Variants in BCAS3 observed in about 807,000 individuals in gnomAD.
The protein encoded by BCAS3 is BCAS4/BCAS3 fusion.
A neutral mutation model predicts 116.1 loss-of-function variants in BCAS3; 53 were observed. That is an observed-to-expected ratio of 0.46 (90% CI 0.37 to 0.57). The LOEUF is 0.57. BCAS3 is among the 20% of genes least tolerant of loss of function. The pLI, the probability that BCAS3 is intolerant of heterozygous loss-of-function variation, is 0.00. For synonymous variants in BCAS3, 391 were observed against 408.2 expected, an observed-to-expected ratio of 0.96 and a Z score of 0.51; for missense variants, 917 against 1,165.4, an observed-to-expected ratio of 0.79 and a Z score of 3.10.
chr17:60,902,488 A>G lies in BCAS3; in HGVS notation c.739-132A>G, dbSNP rs1313045923. On this transcript the variant is annotated intron_variant, in intron 10 of 23. Coordinates refer to ENST00000407086, the MANE Select transcript of BCAS3 (RefSeq NM_017679.5). Reference sequence around the variant, plus strand: ...GGCAAAGCTTTTAGCTGTTTGTCTGAAATACACTCATGCAAACATTCCCAC... The same window carrying G: ...GGCAAAGCTTTTAGCTGTTTGTCTGGAATACACTCATGCAAACATTCCCAC... 4 of 727,190 alleles carry G rather than the reference A, an allele frequency of 5.5e-6. No individual in the cohort carries two copies. In the Admixed American group the frequency reaches 9.3e-5, roughly 17 times the overall value. 45.0% of individuals were successfully genotyped at this position (727,190 alleles called of 1,614,324 possible).
chr17:61,085,246 C>A (rs2072990849), intron 22 of BCAS3, among the ~76,000 whole-genome samples: 1 of 152,140 alleles, frequency 6.6e-6, no homozygotes, highest in Non-Finnish European at 1.5e-5. Flanking sequence ...ACAGTGATGC[C>A]TTGCTTTATA....
intron 19 of BCAS3, chr17:61,069,971 GC>G: frequency 6.3e-7 from 1 of 1,584,018 alleles, no homozygotes. Context: ...GGTGTCCACA[GC>G]CACAAAAAGA....
intron 14 of BCAS3, among the ~76,000 whole-genome samples, chr17:60,952,768 T>G (rs1988961): frequency 6.6e-6 from 1 of 151,818 alleles, no homozygotes; most frequent in African/African-American, 2.4e-5. Context: ...TCTCCCTCCT[T>G]CCATCTTCCA....
Position 61,375,246 on chromosome 17 carries a change from G to GTGTGTGTGTGTGTGCGCGCGCGCACA in BCAS3, c.2593+6761_2593+6762insGTGTGCGCGCGCGCACATGTGTGTGT, listed in dbSNP as rs150061118. On this transcript the variant is annotated intron_variant, in intron 23 of 23. Transcript: ENST00000407086. Reference sequence around the variant, plus strand: ...TGTGTGTGTGTGTGTGTGTGTGTGTGTGTGTGTGTACTAATAAAGTCTTTC... The same window carrying GTGTGTGTGTGTGTGCGCGCGCGCACA: ...TGTGTGTGTGTGTGTGTGTGTGTGTGTGTGTGTGTGTGTGCGCGCGCGCACATGTGTGTGTACTAATAAAGTCTTTC... Among the ~76,000 whole-genome samples, 284 of 150,778 alleles carry GTGTGTGTGTGTGTGCGCGCGCGCACA rather than the reference G, an allele frequency of 1.9e-3. 1 individual carries two copies. The highest frequency in any genetic ancestry group is 6.8e-3 in the African/African-American group (274 of 40,270).
Position 61,273,370 on chromosome 17 carries a change from T to A in BCAS3, c.2426-94957T>A, listed in dbSNP as rs977214427. ...TATTTTGCTGAATATAATGCTGCAT[T>A]TAAAAAATACCATTTTTTAAAAAGC... On this transcript the variant is annotated intron_variant, in intron 22 of 23. Transcript: ENST00000407086. Among the ~76,000 whole-genome samples, 6 of 152,252 alleles carry A rather than the reference T, an allele frequency of 3.9e-5. No individual in the cohort carries two copies. In the East Asian group the frequency reaches 1.2e-3, roughly 29 times the overall value.
At chr17:61,194,226 G>A (rs535869378) in intron 22 of BCAS3, among the ~76,000 whole-genome samples, 35 of 152,320 alleles carry the variant, frequency 2.3e-4, no homozygotes, top group African/African-American at 8.2e-4. Context: ...AGATTCTGCT[G>A]TAAGCAACAA....
At chr17:61,093,100 G>T (rs1025270617) in intron 22 of BCAS3, among the ~76,000 whole-genome samples, 1 of 151,578 alleles carries the variant, frequency 6.6e-6, no homozygotes, top group Non-Finnish European at 1.5e-5. Context: ...TAGAGATGAG[G>T]TTTCATCATG....
intron 16 of BCAS3, among the ~76,000 whole-genome samples, chr17:61,024,982 T>G (rs1311356397): frequency 1.3e-5 from 2 of 152,138 alleles, no homozygotes; most frequent in Non-Finnish European, 2.9e-5. Context: ...TTACAGTCAC[T>G]TCTGGACAAT....
At position 61,032,973 on chromosome 17, in the gene BCAS3, G is replaced by T. The variant is rs1013219276; in HGVS notation, c.1638-1693G>T. Among the ~76,000 whole-genome samples, 2 of 152,156 alleles carry T rather than the reference G, an allele frequency of 1.3e-5. No homozygotes were observed. The highest frequency in any genetic ancestry group is 2.9e-5 in the Non-Finnish European group (2 of 68,012). On this transcript the variant is annotated intron_variant, in intron 16 of 23. Coordinates refer to ENST00000407086, the MANE Select transcript of BCAS3 (RefSeq NM_017679.5). The surrounding 1 kb of genome is among the most constrained non-coding windows in gnomAD (Gnocchi z 4.6). ...ACCAATCATAGTTGCCTCTGATCCA[G>T]ACTTAGCCATCCTTAGAGGAAGATG...
chr17:60,875,875 C>T (rs748599114), intron 9 of BCAS3, among the ~76,000 whole-genome samples: 1 of 151,924 alleles, frequency 6.6e-6, no homozygotes, highest in African/African-American at 2.4e-5. Flanking sequence ...ATGATGAACA[C>T]CCACGCATTT....
At chr17:61,167,630 T>A (rs2078591137) in intron 22 of BCAS3, among the ~76,000 whole-genome samples, 1 of 152,208 alleles carries the variant, frequency 6.6e-6, no homozygotes, top group African/African-American at 2.4e-5. Context: ...TACAGTGTAA[T>A]AGGGTAGACC....
At position 61,078,485 on chromosome 17, in the gene BCAS3, T is replaced by G. The variant is rs769914294; in HGVS notation, c.2283T>G (p.Pro761=). The G allele has an allele frequency of 6.2e-7, 1 of 1,614,038 alleles. No individual in the cohort carries two copies. Among genetic ancestry groups the G allele is most frequent in the Non-Finnish European group, 8.5e-7 (1 of 1,180,024 alleles). ...QSHGPSDTPQ[P]LLDFDTDDLD... ...ATGGTCCGAGTGACACGCCACAGCC[T>G]CTTTTGGATTTTGATACAGATGATC... The change falls in exon 21 of 24, where the codon CCT becomes CCG. Residue 761 remains proline (P), a synonymous_variant. Coordinates refer to ENST00000407086, the MANE Select transcript of BCAS3 (RefSeq NM_017679.5).
rs1350776632 is a variant in BCAS3, at chr17:61,325,100, T to C, written c.2426-43227T>C. ...GTTAGCCTGGGCTTTAAAACCCCGC[T>C]CCCTCCACTGCCAAATGAGTTGCTG... On this transcript the variant is annotated intron_variant, in intron 22 of 23. Coordinates refer to ENST00000407086, the MANE Select transcript of BCAS3 (RefSeq NM_017679.5). The surrounding 1 kb of genome is among the most constrained non-coding windows in gnomAD (Gnocchi z 6.4). 6.6e-6 allele frequency among the ~76,000 whole-genome samples: 1 copy of C among 152,114 alleles called. No individual in the cohort carries two copies. Among genetic ancestry groups the C allele is most frequent in the Non-Finnish European group, 1.5e-5 (1 of 68,008 alleles).
chr17:61,067,029 C>T (rs927224926), intron 19 of BCAS3, among the ~76,000 whole-genome samples: 30 of 151,128 alleles, frequency 2.0e-4, no homozygotes, highest in Non-Finnish European at 8.9e-5. Context: ...TTTCTCTAAC[C>T]GATAAATACC....
chr17:61,324,942 G>T lies in BCAS3; in HGVS notation c.2426-43385G>T, dbSNP rs764616775. 6.6e-6 allele frequency among the ~76,000 whole-genome samples: 1 copy of T among 152,202 alleles called. No homozygotes were observed. Among genetic ancestry groups the T allele is most frequent in the Non-Finnish European group, 1.5e-5 (1 of 68,040 alleles). ...TAAGAGTTTTAGAAGAAAAGTTTGAGCTGCTAGAGGAGAAAGAGGAAACAG... is the reference window on the plus strand; with the variant it reads ...TAAGAGTTTTAGAAGAAAAGTTTGATCTGCTAGAGGAGAAAGAGGAAACAG... On this transcript the variant is annotated intron_variant, in intron 22 of 23. Transcript: ENST00000407086. This position sits in a 1 kb window ranked among gnomAD's most constrained non-coding sequence, Gnocchi z 4.6.
intron 22 of BCAS3, among the ~76,000 whole-genome samples, chr17:61,240,623 C>T (rs2047432769): frequency 6.6e-6 from 1 of 152,190 alleles, no homozygotes; most frequent in Non-Finnish European, 1.5e-5. Flanking sequence ...CACTGCACTC[C>T]AGCCTAGGCA....
chr17:61,067,273 G>GTATATATATATATATATATATATA (rs1199603635), intron 19 of BCAS3, among the ~76,000 whole-genome samples: 9 of 58,798 alleles, frequency 1.5e-4, no homozygotes, highest in Non-Finnish European at 2.3e-4. Context: ...GTGTGTATGT[G>GTATATATATATATATATATATATA]TATATATATA....
intron 7 of BCAS3, among the ~76,000 whole-genome samples, chr17:60,828,108 G>C (rs1390220548): frequency 6.6e-6 from 1 of 151,828 alleles, no homozygotes. Context: ...TTGCTATACT[G>C]GTTTAAATGT....
chr17:60,716,055 G>T lies in BCAS3; in HGVS notation c.321+6730G>T, dbSNP rs148680597. On this transcript the variant is annotated intron_variant, in intron 5 of 23. Transcript: ENST00000407086. ...TTTTTATATTTTTAGTAGAGACGGG[G>T]TTTCACCATGTTGGTCAAGCTGGTC... 8.2e-3 allele frequency among the ~76,000 whole-genome samples: 1,253 copies of T among 151,924 alleles called. 9 individuals are homozygous for T. The highest frequency in any genetic ancestry group is 0.021 in the African/African-American group (877 of 41,430).
Sources: allele counts gnomAD v4.1 joint callset (sites outside exome capture counted in the v4.1 genomes callset), GRCh38; gene constraint gnomAD v4.1.1; non-coding constraint Gnocchi (gnomAD v3.1); transcripts MANE v1.5; gene names NCBI Gene and HGNC (gene_info 2026-07-23, HGNC 2026-07-21).